Variants in TLK2 observed in about 807,000 individuals in gnomAD.
TLK2 encodes tousled like kinase 2, also known as serine/threonine-protein kinase tousled-like 2.
In TLK2, 6 loss-of-function variants were observed where a neutral mutation model predicts 117.3. The ratio of observed to expected loss-of-function variants is 0.05; its 90% CI spans 0.03 to 0.10. TLK2 has a LOEUF of 0.10. TLK2 is among the 10% of genes least tolerant of loss of function. The probability of loss-of-function intolerance (pLI) is 1.00; values close to 1 mark genes in which losing one functional copy is unlikely to be tolerated. For missense variants in TLK2, 299 were observed against 901.2 expected, an observed-to-expected ratio of 0.33 and a Z score of 8.56; for synonymous variants, 257 against 316.7, an observed-to-expected ratio of 0.81 and a Z score of 2.00.
chr17:62,584,679 A>G (rs1273770649), intron 15 of TLK2, among the ~76,000 whole-genome samples: 2 of 152,176 alleles, frequency 1.3e-5, no homozygotes, highest in African/African-American at 2.4e-5. Context: ...AAATGTTGCA[A>G]TTTTTGTGAA....
chr17:62,591,372 C>A (rs566274290), intron 16 of TLK2, among the ~76,000 whole-genome samples: 204 of 150,260 alleles, frequency 1.4e-3, no homozygotes, highest in African/African-American at 4.8e-3. Flanking sequence ...AAAAAAAAAA[C>A]CAGCGTGGAG....
At chr17:62,488,332 C>T (rs2072711853) in intron 2 of TLK2, among the ~76,000 whole-genome samples, 1 of 152,098 alleles carries the variant, frequency 6.6e-6, no homozygotes, top group Non-Finnish European at 1.5e-5. Context: ...CAACTGATAC[C>T]TTTCTTTTCA....
At chr17:62,476,363 C>T (rs2071044637), upstream of TLK2, among the ~76,000 whole-genome samples, 1 of 151,902 alleles carries the variant, frequency 6.6e-6, no homozygotes, top group Non-Finnish European at 1.5e-5. Context: ...GTGGGCGGAT[C>T]ACGAGGTCAG....
chr17:62,554,154 C>T (rs574614795), intron 9 of TLK2, among the ~76,000 whole-genome samples: 8 of 152,332 alleles, frequency 5.3e-5, no homozygotes, highest in African/African-American at 1.9e-4. Flanking sequence ...ATAACCTACT[C>T]ACCCAAACTT....
Position 62,524,321 on chromosome 17 carries a change from A to T in TLK2, c.353A>T (p.Asn118Ile). The T allele has an allele frequency of 6.2e-7, 1 of 1,612,726 alleles. No homozygotes were observed. Among genetic ancestry groups the T allele is most frequent in the Admixed American group, 1.7e-5 (1 of 59,780 alleles). Reference sequence around the variant, plus strand: ...TCCTCACCGCAACATTCCTTATCCAATCCCTTACCGGTAAGCATTCACCTG... The same window carrying T: ...TCCTCACCGCAACATTCCTTATCCATTCCCTTACCGGTAAGCATTCACCTG... ...ARSSPQHSLS[N>I]PLPRRVEQPL... The change falls in exon 6 of 22, where the codon AAT (asparagine) becomes ATT (isoleucine). Residue 118 changes from asparagine (N) to isoleucine (I), a missense_variant. Asn to Ile is a moderately radical substitution (Grantham distance 149, BLOSUM62 -3). Coordinates refer to ENST00000346027, the MANE Select transcript of TLK2 (RefSeq NM_006852.6).
chr17:62,596,808 A>G, intron 17 of TLK2, 134 bp downstream of exon 17: 1 of 707,602 alleles, frequency 1.4e-6, no homozygotes, highest in Non-Finnish European at 2.3e-6. Context: ...AAATGATCAA[A>G]CATAAATTCA....
chr17:62,578,445 A>G (rs576630544), intron 13 of TLK2, 32 bp from the exon 14 acceptor site: 36 of 1,576,416 alleles, frequency 2.3e-5, no homozygotes, highest in South Asian at 8.9e-5. Context: ...AGTTCCCCCT[A>G]TTTTGTGCTA....
At chr17:62,511,376 A>G (rs2075132228) in intron 2 of TLK2, among the ~76,000 whole-genome samples, 1 of 152,078 alleles carries the variant, frequency 6.6e-6, no homozygotes, top group Admixed American at 6.6e-5. Flanking sequence ...CAAAGTACAC[A>G]ACCTTTTATT....
intron 2 of TLK2, among the ~76,000 whole-genome samples, chr17:62,518,899 C>G (rs1404596003): frequency 1.3e-5 from 2 of 152,016 alleles, no homozygotes; most frequent in African/African-American, 4.8e-5. Flanking sequence ...TGTTTTGAGA[C>G]AAGGTCTTGG....
chr17:62,583,156 A>G (rs1452041694), intron 15 of TLK2, among the ~76,000 whole-genome samples: 1 of 152,028 alleles, frequency 6.6e-6, no homozygotes, highest in Non-Finnish European at 1.5e-5. Flanking sequence ...CAGTGGTGCA[A>G]TCTCGGCTCA....
rs550539867 is a variant in TLK2 at position 62,500,247 on chromosome 17, A to G, written c.81+19041A>G. 5.3e-5 allele frequency among the ~76,000 whole-genome samples: 8 copies of G among 152,054 alleles called. No individual in the cohort carries two copies. In the South Asian group the frequency reaches 1.7e-3, roughly 32 times the overall value. Reference sequence around the variant, plus strand: ...ACCACACCTGGCTAATTGTATCTTTATATTTAAAAGAATGGAAAAAGATAC... The same window carrying G: ...ACCACACCTGGCTAATTGTATCTTTGTATTTAAAAGAATGGAAAAAGATAC... On this transcript the variant is annotated intron_variant, in intron 2 of 21. Coordinates refer to ENST00000346027, the MANE Select transcript of TLK2 (RefSeq NM_006852.6).
At chr17:62,480,984 C>G (rs375836581) in intron 1 of TLK2, 137 bp from the exon 2 acceptor site, 9 of 786,204 alleles carry the variant, frequency 1.1e-5, no homozygotes, top group Admixed American at 4.7e-5. Context: ...TAGTCTACCA[C>G]TTGTATGCTA....
chr17:62,508,658 G>A (rs769598352), intron 2 of TLK2: 389 of 785,612 alleles, frequency 5.0e-4, no homozygotes, highest in Non-Finnish European at 5.6e-4. Flanking sequence ...TAATACTGAC[G>A]AAATAAGACA....
Position 62,612,654 on chromosome 17 carries a change from G to A in TLK2, c.*89G>A. 2 of 1,339,652 alleles carry A rather than the reference G, an allele frequency of 1.5e-6. No homozygotes were observed. Among genetic ancestry groups the A allele is most frequent in the Non-Finnish European group, 2.0e-6 (2 of 979,336 alleles). 83.0% of individuals were successfully genotyped at this position (1,339,652 alleles called of 1,614,324 possible). On this transcript the variant is annotated 3_prime_UTR_variant, in exon 22 of 22. Transcript: ENST00000346027. ...GGTTTGGAACATAGCGAATCCGAAT[G>A]GATCTGATGAAACCTGTACCAGGTG...
At chr17:62,597,508 TC>T (rs1190864353) in intron 17 of TLK2, among the ~76,000 whole-genome samples, 4 of 152,188 alleles carry the variant, frequency 2.6e-5, no homozygotes, top group Admixed American at 6.5e-5. Flanking sequence ...TGTAGACTGT[TC>T]AAGAGAGTTT....
chr17:62,496,752 GA>G (rs1415039414), intron 2 of TLK2, among the ~76,000 whole-genome samples: 3 of 152,108 alleles, frequency 2.0e-5, no homozygotes, highest in African/African-American at 7.2e-5. Context: ...TCAGGAGATT[GA>G]GACCATCCTG....
intron 15 of TLK2, among the ~76,000 whole-genome samples, chr17:62,585,104 C>A (rs534086420): frequency 4.6e-4 from 70 of 152,238 alleles, no homozygotes; most frequent in Non-Finnish European, 9.7e-4. Flanking sequence ...TCCATGTTAC[C>A]TTTTTCACTG....
At chr17:62,573,643 G>A (rs1049048743) in intron 12 of TLK2, among the ~76,000 whole-genome samples, 2 of 152,194 alleles carry the variant, frequency 1.3e-5, no homozygotes, top group Admixed American at 1.3e-4. Context: ...CAAATAAGAT[G>A]TCATTGTACT....
chr17:62,547,858 C>T (rs1232745588), intron 7 of TLK2, among the ~76,000 whole-genome samples: 4 of 152,206 alleles, frequency 2.6e-5, no homozygotes, highest in Admixed American at 6.5e-5. Flanking sequence ...CAGACAGACC[C>T]GGGTAGGCTG....
Sources: allele counts gnomAD v4.1 joint callset (sites outside exome capture counted in the v4.1 genomes callset), GRCh38; gene constraint gnomAD v4.1.1; transcripts MANE v1.5; gene names NCBI Gene and HGNC (gene_info 2026-07-23, HGNC 2026-07-21).